IQGAP2: variants seen among roughly 807,000 people sequenced by gnomAD.
IQGAP2 encodes the protein ras GTPase-activating-like protein IQGAP2.
Under a neutral mutation model 201.3 loss-of-function variants are expected in IQGAP2, and 173 were observed. The ratio of observed to expected loss-of-function variants is 0.86; its 90% CI spans 0.76 to 0.98. The LOEUF (loss-of-function observed/expected upper bound fraction) is 0.98. IQGAP2 is among the 50% of genes least tolerant of loss of function. The pLI is 0.00. For synonymous variants in IQGAP2, 675 were observed against 673.9 expected (o/e 1.00, Z -0.03); for missense variants, 1,687 against 1,864.8 (o/e 0.90, Z 1.76).
At position 76,589,713 on chromosome 5, in the gene IQGAP2, G is replaced by A. The variant is rs777493680; in HGVS notation, c.625G>A (p.Val209Met). ...IGGILANELS[V>M]DEAALHAAVI... ...TGGTATTCTGGCCAATGAACTGTCC[G>A]TGGATGAAGCTGCATGTAAGTCCAT... The change falls in exon 7 of 36, where the codon GTG (valine) becomes ATG (methionine). Residue 209 changes from valine to methionine, a missense_variant. Physicochemically the swap from Val to Met is conservative, Grantham distance 21. Transcript: ENST00000274364. The A allele has an allele frequency of 1.4e-5, 23 of 1,595,904 alleles. No individual in the cohort carries two copies. The highest frequency in any genetic ancestry group is 3.4e-5 in the South Asian group (3 of 87,772).
intron 5 of IQGAP2, among the ~76,000 whole-genome samples, chr5:76,584,115 G>A (rs893631602): frequency 2.0e-5 from 3 of 151,840 alleles, no homozygotes; most frequent in African/African-American, 2.4e-5. Context: ...TCAAATGATC[G>A]CCTGCCTTGG....
chr5:76,657,397 G>C (rs538040150), intron 20 of IQGAP2, among the ~76,000 whole-genome samples: 1 of 152,316 alleles, frequency 6.6e-6, no homozygotes, highest in East Asian at 1.9e-4. Flanking sequence ...AGGAAATAAA[G>C]GGTCCCATGA....
In IQGAP2 at chr5:76,707,286, G is replaced by A. The variant is rs1189854797; in HGVS notation, c.4701G>A (p.Leu1567=). 4 of 1,554,092 alleles carry A rather than the reference G, an allele frequency of 2.6e-6. No individual in the cohort carries two copies. The highest frequency in any genetic ancestry group is 3.6e-6 in the Non-Finnish European group (4 of 1,125,684). Reference sequence around the variant, plus strand: ...TGAATGTAAACCTTCTCATATACCTGCTGAACAAGAAGTTCTATGGAAAGT... The same window carrying A: ...TGAATGTAAACCTTCTCATATACCTACTGAACAAGAAGTTCTATGGAAAGT... ...VKVNVNLLIY[L]LNKKFYGK is the part of the protein sequence containing the mutation. Residue 1567 remains leucine (L), a synonymous_variant, in exon 36 of 36, where the codon CTG becomes CTA. Transcript: ENST00000274364.
chr5:76,623,927 T>C (rs1295519570), intron 13 of IQGAP2, among the ~76,000 whole-genome samples: 3 of 136,356 alleles, frequency 2.2e-5, no homozygotes, highest in Non-Finnish European at 4.7e-5. Context: ...AGGATGGCGT[T>C]TGTTCAGGCT....
chr5:76,614,585 G>A (rs1235220940), intron 13 of IQGAP2, among the ~76,000 whole-genome samples: 1 of 106,658 alleles, frequency 9.4e-6, no homozygotes, highest in South Asian at 3.3e-4. Context: ...TGTCTTTAAT[G>A]TCTTTGTTTT....
At chr5:76,551,459 C>T (rs979070959) in intron 2 of IQGAP2, among the ~76,000 whole-genome samples, 6 of 152,140 alleles carry the variant, frequency 3.9e-5, no homozygotes, top group East Asian at 3.9e-4. Flanking sequence ...GGGTGGCGGC[C>T]GGGCAGAGGC....
intron 2 of IQGAP2, among the ~76,000 whole-genome samples, chr5:76,493,272 C>T (rs570437878): frequency 3.9e-5 from 6 of 152,110 alleles, no homozygotes; most frequent in South Asian, 2.1e-4. Flanking sequence ...CACAGGGCCC[C>T]GCCCGCCCCT....
intron 2 of IQGAP2, among the ~76,000 whole-genome samples, chr5:76,480,498 AT>A (rs1340362468): frequency 6.6e-6 from 1 of 151,930 alleles, no homozygotes; most frequent in Non-Finnish European, 1.5e-5. Context: ...AATAGTGGTA[AT>A]TTTTCTTCTG....
At chr5:76,646,612 A>G (rs1330949183) in intron 17 of IQGAP2, among the ~76,000 whole-genome samples, 1 of 152,212 alleles carries the variant, frequency 6.6e-6, no homozygotes, top group African/African-American at 2.4e-5. Context: ...TAAGAGCTTA[A>G]GGGAGAAAAA....
chr5:76,538,261 C>T lies in IQGAP2; in HGVS notation c.147-24135C>T, dbSNP rs746909434. ...ACAAGAAAGACCCGCCTCCATGATC[C>T]AATTACCTTCCACTGGGTCGCTCCC... is the stretch of plus-strand genomic sequence containing the variant. On this transcript the variant is annotated intron_variant, in intron 2 of 35. Transcript: ENST00000274364. 2.6e-4 allele frequency among the ~76,000 whole-genome samples: 39 copies of T among 152,202 alleles called. 1 individual carries two copies. The highest frequency in any genetic ancestry group is 6.2e-4 in the South Asian group (3 of 4,832).
At chr5:76,533,955 C>T (rs1759477798) in intron 2 of IQGAP2, among the ~76,000 whole-genome samples, 2 of 152,182 alleles carry the variant, frequency 1.3e-5, no homozygotes, top group Admixed American at 6.5e-5. Context: ...TGTCTTTTAA[C>T]TTTGGGAAAT....
chr5:76,671,589 G>A (rs1307649092), intron 23 of IQGAP2, among the ~76,000 whole-genome samples, 170 bp from the exon 24 acceptor site: 1 of 151,450 alleles, frequency 6.6e-6, no homozygotes, highest in Admixed American at 6.6e-5. Context: ...TCAGGAAGCT[G>A]AGGCAGGAGA....
intron 22 of IQGAP2, among the ~76,000 whole-genome samples, chr5:76,668,144 A>G (rs897673302): frequency 6.6e-6 from 1 of 151,822 alleles, no homozygotes; most frequent in African/African-American, 2.4e-5. Flanking sequence ...CTGTCTCCCA[A>G]AGCGCTGGAA....
intron 30 of IQGAP2, among the ~76,000 whole-genome samples, chr5:76,691,991 G>C (rs1746300329): frequency 6.6e-6 from 1 of 152,152 alleles, no homozygotes; most frequent in African/African-American, 2.4e-5. Context: ...TAGTCATTCA[G>C]TGATATCATG....
At chr5:76,416,873 G>A (rs1035068754) in intron 1 of IQGAP2, among the ~76,000 whole-genome samples, 9 of 152,226 alleles carry the variant, frequency 5.9e-5, no homozygotes, top group Middle Eastern at 3.4e-3. Flanking sequence ...CTATCACCCA[G>A]GCTGGAGTGC....
intron 33 of IQGAP2, among the ~76,000 whole-genome samples, chr5:76,698,783 T>A (rs1375207047): frequency 1.3e-5 from 2 of 152,210 alleles, no homozygotes; most frequent in Admixed American, 1.3e-4. Context: ...TTTTATATAA[T>A]CCTTGTCATC....
At chr5:76,495,585 A>G (rs1273448655) in intron 2 of IQGAP2, among the ~76,000 whole-genome samples, 6 of 152,180 alleles carry the variant, frequency 3.9e-5, no homozygotes, top group African/African-American at 1.4e-4. Flanking sequence ...GAGTCACTAT[A>G]AAGAAATACC....
At chr5:76,681,532 T>TAAAAAAAAAA (rs35266891) in intron 28 of IQGAP2, among the ~76,000 whole-genome samples, 1 of 141,858 alleles carries the variant, frequency 7.0e-6, no homozygotes, top group Admixed American at 7.0e-5. Flanking sequence ...TATCAAAATT[T>TAAAAAAAAAA]AAAAAAAAAA....
chr5:76,495,058 A>G (rs1580317226), intron 2 of IQGAP2, among the ~76,000 whole-genome samples: 3 of 152,356 alleles, frequency 2.0e-5, no homozygotes, highest in Admixed American at 2.0e-4. Flanking sequence ...AAATAAATAA[A>G]TAAATACATA....
Sources: gnomAD v4.1 joint callset for allele counts (sites outside exome capture counted in the v4.1 genomes callset) on GRCh38, gnomAD v4.1.1 for gene constraint, MANE v1.5 for transcripts, NCBI Gene and HGNC (gene_info 2026-07-23, HGNC 2026-07-21) for gene names.